BICC1: variants seen among roughly 807,000 people sequenced by gnomAD.
The protein encoded by BICC1 is BicC family RNA binding protein 1.
BICC1 carries 43 observed loss-of-function variants against 111.0 expected under a neutral mutation model. The ratio of observed to expected loss-of-function variants is 0.39; its 90% confidence interval spans 0.30 to 0.50. The LOEUF is 0.50. Ranked by LOEUF, BICC1 falls within the 20% of genes least tolerant of loss-of-function variation. The pLI, the probability that BICC1 is intolerant of heterozygous loss-of-function variation, is 0.88. For missense variants in BICC1, 1,091 were observed against 1,203.2 expected (o/e 0.91, Z 1.38); for synonymous variants, 467 against 434.4 (o/e 1.07, Z -0.93).
chr10:58,562,022 C>G (rs1327830735), intron 1 of BICC1, among the ~76,000 whole-genome samples: 1 of 151,990 alleles, frequency 6.6e-6, no homozygotes, highest in East Asian at 1.9e-4. Context: ...TTACTTCATG[C>G]TTTTCTCTTG....
chr10:58,753,604 G>A (rs1364963143), intron 3 of BICC1, among the ~76,000 whole-genome samples: 1 of 152,022 alleles, frequency 6.6e-6, no homozygotes, highest in Admixed American at 6.6e-5. Context: ...CTTTCTCACA[G>A]GCTTATGATG....
At chr10:58,704,602 C>T (rs950554223) in intron 3 of BICC1, among the ~76,000 whole-genome samples, 3 of 152,082 alleles carry the variant, frequency 2.0e-5, no homozygotes, top group African/African-American at 7.2e-5. Flanking sequence ...CCTTCTCACC[C>T]CTGAGTGTTG....
chr10:58,741,071 G>A (rs1303825051), intron 3 of BICC1, among the ~76,000 whole-genome samples: 1 of 152,184 alleles, frequency 6.6e-6, no homozygotes, highest in Admixed American at 6.5e-5. Flanking sequence ...ATTGAGACGG[G>A]CCTGTGTCCT....
intron 3 of BICC1, chr10:58,715,436 CT>C: frequency 1.6e-6 from 1 of 643,088 alleles, no homozygotes; most frequent in South Asian, 1.7e-5. Flanking sequence ...GATTTTTCTT[CT>C]TAAAAAATAA....
chr10:58,658,811 C>A (rs1838746859), intron 2 of BICC1, among the ~76,000 whole-genome samples: 1 of 152,220 alleles, frequency 6.6e-6, no homozygotes, highest in East Asian at 1.9e-4. Context: ...CTGGCACAAG[C>A]AGATGTTCCA....
intron 2 of BICC1, chr10:58,650,176 C>T (rs1262546993): frequency 1.2e-4 from 19 of 152,126 alleles, no homozygotes; most frequent in Admixed American, 1.2e-3. Flanking sequence ...CAGTGCCATT[C>T]CTAATGTATA....
intron 1 of BICC1, among the ~76,000 whole-genome samples, chr10:58,514,359 T>C (rs1842184493): frequency 1.3e-5 from 2 of 152,222 alleles, no homozygotes; most frequent in Admixed American, 1.3e-4. Context: ...AGTGTTCTTT[T>C]ATCATGGAGG....
At chr10:58,728,361 G>A (rs1841178985) in intron 3 of BICC1, among the ~76,000 whole-genome samples, 1 of 152,186 alleles carries the variant, frequency 6.6e-6, no homozygotes, top group South Asian at 2.1e-4. Flanking sequence ...CATGTTCTTT[G>A]CTTATCCATT....
Position 58,820,426 on chromosome 10 carries a change from A to G in BICC1, c.2752A>G (p.Thr918Ala). The change falls in exon 20 of 21, where the codon ACT becomes GCT. Residue 918 changes from threonine to alanine, a missense_variant. By Grantham distance (58) the Thr-to-Ala change is moderately conservative (BLOSUM62 0). Coordinates refer to ENST00000373886, the MANE Select transcript of BICC1 (RefSeq NM_001080512.3). ...TCAGGATCTGAAGGAGCTGGGAATA[A>G]CTACTTTTGGTGCCAGGAGGAAAAT... The part of the protein sequence containing the change: ...TDQDLKELGI[T>A]TFGARRKMLL... The G allele has an allele frequency of 6.2e-7, 1 of 1,612,156 alleles. No individual in the cohort carries two copies. Among genetic ancestry groups the G allele is most frequent in the Non-Finnish European group, 8.5e-7 (1 of 1,178,554 alleles).
chr10:58,629,565 C>A (rs551923857), intron 2 of BICC1, among the ~76,000 whole-genome samples: 2 of 152,066 alleles, frequency 1.3e-5, no homozygotes, highest in Admixed American at 1.3e-4. Flanking sequence ...AGGCTGGGGG[C>A]AAATTAATAT....
At chr10:58,736,892 A>G (rs1299175905) in intron 3 of BICC1, among the ~76,000 whole-genome samples, 2 of 152,098 alleles carry the variant, frequency 1.3e-5, no homozygotes, top group Non-Finnish European at 2.9e-5. Flanking sequence ...AGAAACGTTG[A>G]TTTGATTGAA....
At chr10:58,775,599 A>G (rs1360840680) in intron 3 of BICC1, among the ~76,000 whole-genome samples, 2 of 152,318 alleles carry the variant, frequency 1.3e-5, no homozygotes, top group South Asian at 2.1e-4. Flanking sequence ...ATCTCTTAGG[A>G]CTGAGAGATT....
At chr10:58,658,573 A>G (rs982956675) in intron 2 of BICC1, among the ~76,000 whole-genome samples, 5 of 152,090 alleles carry the variant, frequency 3.3e-5, no homozygotes, top group Admixed American at 3.3e-4. Flanking sequence ...GTTACTTAGC[A>G]TTGTATAATA....
At chr10:58,696,423 T>C (rs1189743844) in intron 2 of BICC1, among the ~76,000 whole-genome samples, 1 of 152,206 alleles carries the variant, frequency 6.6e-6, no homozygotes, top group African/African-American at 2.4e-5. Context: ...AAGCCCTTTT[T>C]TTACTATGAA....
chr10:58,743,601 A>G (rs1414813370), intron 3 of BICC1, among the ~76,000 whole-genome samples: 1 of 151,818 alleles, frequency 6.6e-6, no homozygotes, highest in Non-Finnish European at 1.5e-5. Flanking sequence ...CATACACCAA[A>G]CATCTCAGTT....
chr10:58,526,284 C>T (rs1040588873), intron 1 of BICC1, among the ~76,000 whole-genome samples: 2 of 151,732 alleles, frequency 1.3e-5, no homozygotes, highest in African/African-American at 2.4e-5. Context: ...CACTAGTTTT[C>T]CAATTAGGGT....
chr10:58,567,436 A>C (rs1360286854), intron 1 of BICC1, among the ~76,000 whole-genome samples: 1 of 151,562 alleles, frequency 6.6e-6, no homozygotes, highest in Non-Finnish European at 1.5e-5. Flanking sequence ...CTTTTAGGGG[A>C]TATATATATG....
intron 1 of BICC1, among the ~76,000 whole-genome samples, chr10:58,567,229 T>C (rs745806391): frequency 7.9e-5 from 12 of 152,126 alleles, no homozygotes; most frequent in Non-Finnish European, 1.2e-4. Flanking sequence ...TTGTTTTGCT[T>C]AAGGGTATAA....
intron 2 of BICC1, among the ~76,000 whole-genome samples, chr10:58,626,275 T>C (rs10740742): frequency 0.96 from 146,003 of 152,240 alleles, 70,311 homozygotes; most frequent in East Asian, 1. Flanking sequence ...GCTAACATTC[T>C]GTGAGTTCTT....
Sources: allele counts gnomAD v4.1 joint callset (sites outside exome capture counted in the v4.1 genomes callset), GRCh38; gene constraint gnomAD v4.1.1; transcripts MANE v1.5; gene names NCBI Gene and HGNC (gene_info 2026-07-23, HGNC 2026-07-21).